The following ATP8A1 variants were observed in gnomAD, a reference collection of about 807,000 sequenced individuals.
ATP8A1 encodes ATPase phospholipid transporting 8A1, also known as phospholipid-transporting ATPase IA.
Under a neutral mutation model 177.7 loss-of-function variants are expected in ATP8A1, and 90 were observed. The ratio of observed to expected loss-of-function variants is 0.51; its 90% confidence interval spans 0.43 to 0.60. The LOEUF is 0.60. ATP8A1 is among the 20% of genes least tolerant of loss of function. The pLI is 0.00. For missense variants in ATP8A1, 1,072 were observed against 1,392.8 expected (o/e 0.77, Z 3.67); for synonymous variants, 493 against 485.9 (o/e 1.01, Z -0.19).
chr4:42,411,321 G>C lies in ATP8A1; in HGVS notation c.*1595C>G, dbSNP rs925523706. Reference sequence around the variant, plus strand: ...TTGAGAAAAAGGGTGAAAAGAATGTGAAAATATTAAACTCGAGAAGCGATC... The same window carrying C: ...TTGAGAAAAAGGGTGAAAAGAATGTCAAAATATTAAACTCGAGAAGCGATC... On this transcript the variant is annotated 3_prime_UTR_variant, in exon 37 of 37. Coordinates refer to ENST00000381668, the MANE Select transcript of ATP8A1 (RefSeq NM_006095.2). The C allele has an allele frequency of 2.0e-5, 3 of 152,066 alleles. No individual in the cohort carries two copies. Among genetic ancestry groups the C allele is most frequent in the Non-Finnish European group, 2.9e-5 (2 of 68,006 alleles). 9.4% of individuals were successfully genotyped at this position (152,066 alleles called of 1,614,324 possible).
At chr4:42,527,959 C>T (rs1312596643) in intron 20 of ATP8A1, among the ~76,000 whole-genome samples, 4 of 152,080 alleles carry the variant, frequency 2.6e-5, no homozygotes, top group Non-Finnish European at 5.9e-5. Flanking sequence ...TGGCCTTTTA[C>T]CAGGGTAACT....
At chr4:42,416,071 G>T (rs1025878389) in intron 35 of ATP8A1, among the ~76,000 whole-genome samples, 32 of 152,136 alleles carry the variant, frequency 2.1e-4, no homozygotes, top group African/African-American at 7.2e-4. Flanking sequence ...ACTTGTTTCT[G>T]TCAGTGAAAT....
intron 6 of ATP8A1, among the ~76,000 whole-genome samples, chr4:42,591,087 G>C (rs1484917024): frequency 1.3e-5 from 2 of 151,778 alleles, no homozygotes; most frequent in Non-Finnish European, 2.9e-5. Context: ...TAATATTTGA[G>C]GGTTATTTAT....
chr4:42,630,662 G>A (rs1382342689), intron 1 of ATP8A1, among the ~76,000 whole-genome samples: 5 of 152,082 alleles, frequency 3.3e-5, no homozygotes, highest in Admixed American at 1.3e-4. Context: ...CCTATTTAAC[G>A]GAAATGGACT....
intron 33 of ATP8A1, among the ~76,000 whole-genome samples, chr4:42,429,266 G>A (rs936302485): frequency 6.6e-6 from 1 of 152,118 alleles, no homozygotes; most frequent in South Asian, 2.1e-4. Flanking sequence ...TTCTGTTGAA[G>A]GTTGACGAGT....
At position 42,427,867 on chromosome 4, in the gene ATP8A1, TATTG is replaced by T. The variant is rs770500146; in HGVS notation, c.3124-4166_3124-4163del. Among the ~76,000 whole-genome samples, 3 of 152,172 alleles carry T rather than the reference TATTG, an allele frequency of 2.0e-5. No homozygotes were observed. The East Asian group carries it at 5.8e-4, about 29-fold the overall frequency. On this transcript the variant is annotated intron_variant, in intron 33 of 36. Coordinates refer to ENST00000381668, the MANE Select transcript of ATP8A1 (RefSeq NM_006095.2). ...TTTTTAAACCCAGGTTTCCTAAAGG[TATTG>T]ATTGATTATGGAACACTTTCCCCTA...
intron 22 of ATP8A1, 118 bp from the exon 23 acceptor site, chr4:42,507,272 G>A: frequency 9.3e-7 from 1 of 1,077,650 alleles, no homozygotes; most frequent in South Asian, 1.6e-5. Flanking sequence ...ATGGACTTTG[G>A]TGTAAATTCC....
chr4:42,620,339 CAT>C (rs1344379416), intron 4 of ATP8A1, among the ~76,000 whole-genome samples: 1 of 152,212 alleles, frequency 6.6e-6, no homozygotes, highest in Admixed American at 6.5e-5. Flanking sequence ...AAAACTACTT[CAT>C]ATGATACTAT....
At chr4:42,589,402 T>C (rs1156639290) in intron 7 of ATP8A1, among the ~76,000 whole-genome samples, 1 of 152,208 alleles carries the variant, frequency 6.6e-6, no homozygotes, top group East Asian at 1.9e-4. Context: ...AACTTCCAAC[T>C]TGTACATGTG....
chr4:42,592,584 G>A (rs958916031), intron 6 of ATP8A1, among the ~76,000 whole-genome samples: 13 of 152,026 alleles, frequency 8.6e-5, no homozygotes, highest in Admixed American at 8.5e-4. Flanking sequence ...ATTGTTAGAA[G>A]GTGTTACTAT....
chr4:42,615,358 C>A (rs1262072522), intron 5 of ATP8A1, among the ~76,000 whole-genome samples: 1 of 152,042 alleles, frequency 6.6e-6, no homozygotes, highest in African/African-American at 2.4e-5. Flanking sequence ...CTTATCCTCA[C>A]CACATCAGAG....
chr4:42,614,468 AT>A lies in ATP8A1; in HGVS notation c.409+1564del, dbSNP rs1381649946. ...AAAATACCAGGCTTGAAACGTCTGG[AT>A]TTTTTCCCTTTCAATTCCTGTGTTT... On this transcript the variant is annotated intron_variant, in intron 5 of 36. Coordinates refer to ENST00000381668, the MANE Select transcript of ATP8A1 (RefSeq NM_006095.2). Among the ~76,000 whole-genome samples the A allele has an allele frequency of 3.9e-5, 6 of 152,274 alleles. No homozygotes were observed. The South Asian group carries it at 1.2e-3, about 32-fold the overall frequency.
intron 20 of ATP8A1, among the ~76,000 whole-genome samples, chr4:42,541,661 A>T (rs1177958084): frequency 1.3e-5 from 2 of 152,258 alleles, no homozygotes; most frequent in Admixed American, 6.5e-5. Flanking sequence ...ACTGTGGCAC[A>T]TCCAGACAAT....
intron 9 of ATP8A1, among the ~76,000 whole-genome samples, chr4:42,582,825 T>C (rs1371032116): frequency 7.2e-5 from 11 of 152,090 alleles, no homozygotes; most frequent in Non-Finnish European, 1.5e-5. Context: ...CTACCCACTA[T>C]GGTAGGTTAC....
chr4:42,442,239 T>G (rs1346480242), intron 33 of ATP8A1, among the ~76,000 whole-genome samples: 1 of 152,196 alleles, frequency 6.6e-6, no homozygotes, highest in South Asian at 2.1e-4. Context: ...CAAAGACTTA[T>G]GTCTAATGAA....
intron 24 of ATP8A1, among the ~76,000 whole-genome samples, chr4:42,497,014 A>G (rs1284537120): frequency 6.6e-6 from 1 of 152,158 alleles, no homozygotes; most frequent in Non-Finnish European, 1.5e-5. Context: ...GAAAATGGGA[A>G]AGGGGGATAA....
At chr4:42,542,536 T>C (rs1009010400) in intron 20 of ATP8A1, among the ~76,000 whole-genome samples, 1 of 152,198 alleles carries the variant, frequency 6.6e-6, no homozygotes, top group Non-Finnish European at 1.5e-5. Flanking sequence ...GTTGGTTTGC[T>C]GCTCCCATCA....
At chr4:42,579,623 T>C (rs1369675134) in intron 11 of ATP8A1, among the ~76,000 whole-genome samples, 190 bp downstream of exon 11, 1 of 151,974 alleles carries the variant, frequency 6.6e-6, no homozygotes, top group Non-Finnish European at 1.5e-5. Flanking sequence ...TTAAGGATTC[T>C]GAAATTTTAG....
intron 33 of ATP8A1, among the ~76,000 whole-genome samples, chr4:42,425,800 T>C (rs1295195781): frequency 6.6e-6 from 1 of 151,388 alleles, no homozygotes; most frequent in Non-Finnish European, 1.5e-5. Context: ...TTTCTCCTAA[T>C]GTGGGAGACT....
Sources: gnomAD v4.1 joint callset for allele counts (sites outside exome capture counted in the v4.1 genomes callset) on GRCh38, gnomAD v4.1.1 for gene constraint, MANE v1.5 for transcripts, NCBI Gene and HGNC (gene_info 2026-07-23, HGNC 2026-07-21) for gene names.